The following HCN1 variants were observed in gnomAD, a reference collection of about 807,000 sequenced individuals.
The protein encoded by HCN1 is hyperpolarization activated cyclic nucleotide gated potassium channel 1.
Under a neutral mutation model 78.9 loss-of-function variants are expected in HCN1, and 13 were observed. The ratio of observed to expected loss-of-function variants is 0.16; its 90% CI spans 0.11 to 0.26. HCN1 has a LOEUF of 0.26. Ranked by LOEUF, HCN1 falls within the 10% of genes least tolerant of loss-of-function variation. The pLI is 1.00. For missense variants in HCN1, 810 were observed against 1,154.3 expected (o/e 0.70, Z 4.32); for synonymous variants, 552 against 455.5 (o/e 1.21, Z -2.70).
At chr5:45,611,646 T>C (rs758577817) in intron 2 of HCN1, among the ~76,000 whole-genome samples, 11 of 152,112 alleles carry the variant, frequency 7.2e-5, no homozygotes, top group Admixed American at 2.0e-4. Context: ...ATAAGAGCCA[T>C]GAAGTCTTAT....
intron 2 of HCN1, among the ~76,000 whole-genome samples, chr5:45,498,531 T>A (rs966645134): frequency 3.9e-5 from 6 of 152,180 alleles, no homozygotes; most frequent in African/African-American, 7.2e-5. Flanking sequence ...TTGGTTTGAA[T>A]CTCCTCCCAT....
At chr5:45,658,990 C>T (rs1370468684) in intron 1 of HCN1, among the ~76,000 whole-genome samples, 3 of 149,912 alleles carry the variant, frequency 2.0e-5, no homozygotes, top group Non-Finnish European at 1.5e-5. Flanking sequence ...TAGGCTCCAC[C>T]TCTGGGGGCA....
intron 5 of HCN1, among the ~76,000 whole-genome samples, chr5:45,307,081 C>A (rs927195043): frequency 6.6e-6 from 1 of 151,924 alleles, no homozygotes; most frequent in Admixed American, 6.6e-5. Flanking sequence ...TTCAAAGGGA[C>A]ACAGGGGCCA....
chr5:45,687,470 A>G (rs1483127839), intron 1 of HCN1, among the ~76,000 whole-genome samples: 1 of 152,062 alleles, frequency 6.6e-6, no homozygotes, highest in African/African-American at 2.4e-5. Flanking sequence ...TTCTAATTCT[A>G]ACGGGCTTCC....
intron 6 of HCN1, among the ~76,000 whole-genome samples, chr5:45,289,750 C>T (rs899893338): frequency 5.3e-5 from 8 of 151,934 alleles, no homozygotes; most frequent in African/African-American, 7.3e-5. Context: ...ATTTAAAATG[C>T]GGTAACAAAT....
At chr5:45,373,630 GGT>G (rs1747493341) in intron 4 of HCN1, among the ~76,000 whole-genome samples, 1 of 117,128 alleles carries the variant, frequency 8.5e-6, no homozygotes, top group Non-Finnish European at 1.7e-5. Flanking sequence ...TATTACATAC[GGT>G]ATATACGTCA....
intron 3 of HCN1, among the ~76,000 whole-genome samples, chr5:45,450,335 C>T (rs1740891785): frequency 6.6e-6 from 1 of 152,126 alleles, no homozygotes; most frequent in African/African-American, 2.4e-5. Flanking sequence ...TATATGATTT[C>T]TATATTCATA....
chr5:45,291,519 G>T (rs1282148942), intron 6 of HCN1, among the ~76,000 whole-genome samples: 1 of 151,892 alleles, frequency 6.6e-6, no homozygotes. Context: ...CCCTCAGATT[G>T]TTACATGACT....
chr5:45,519,654 G>A (rs1742577078), intron 2 of HCN1, among the ~76,000 whole-genome samples: 3 of 151,882 alleles, frequency 2.0e-5, no homozygotes, highest in Admixed American at 2.0e-4. Context: ...ATTCAATAAT[G>A]TCTTTCATTC....
At chr5:45,621,413 T>C (rs568674463) in intron 2 of HCN1, among the ~76,000 whole-genome samples, 5 of 152,032 alleles carry the variant, frequency 3.3e-5, no homozygotes, top group African/African-American at 7.2e-5. Flanking sequence ...AAGCTGAAAA[T>C]AGAAGTCTCC....
At chr5:45,282,703 G>T (rs1461079723) in intron 6 of HCN1, among the ~76,000 whole-genome samples, 2 of 152,110 alleles carry the variant, frequency 1.3e-5, no homozygotes, top group Admixed American at 1.3e-4. Flanking sequence ...CTTAGTTCCA[G>T]CTACGTGCTT....
chr5:45,563,878 T>G (rs1743655059), intron 2 of HCN1, among the ~76,000 whole-genome samples: 1 of 152,170 alleles, frequency 6.6e-6, no homozygotes, highest in Non-Finnish European at 1.5e-5. Context: ...CACTTCCTAT[T>G]TTTGAAGAGC....
chr5:45,560,241 A>G (rs1468576491), intron 2 of HCN1, among the ~76,000 whole-genome samples: 4 of 152,100 alleles, frequency 2.6e-5, no homozygotes, highest in Non-Finnish European at 4.4e-5. Flanking sequence ...ATACGTATAT[A>G]ATGTTTGTAT....
chr5:45,624,734 A>G (rs1241998188), intron 2 of HCN1, among the ~76,000 whole-genome samples: 2 of 152,096 alleles, frequency 1.3e-5, no homozygotes, highest in East Asian at 3.9e-4. Context: ...TCATGGATGT[A>G]TGGAGCCATT....
At chr5:45,508,803 A>C (rs1320811020) in intron 2 of HCN1, among the ~76,000 whole-genome samples, 2 of 152,174 alleles carry the variant, frequency 1.3e-5, no homozygotes, top group Non-Finnish European at 2.9e-5. Context: ...TGTATTATTT[A>C]GTTTGATAAA....
At position 45,353,162 on chromosome 5, in the gene HCN1, A is replaced by G; in HGVS notation, c.1315T>C (p.Tyr439His). 6.2e-7 allele frequency: 1 copy of G among 1,610,736 alleles called. No homozygotes were observed. The highest frequency in any genetic ancestry group is 1.1e-5 in the South Asian group (1 of 91,008). ...TCCTCATCAAAGATTTTGCCTTGGT[A>G]TCTGTGTTCATAGTAATCATGTATC... ...QKIHDYYEHR[Y>H]QGKIFDEENI... The change falls in exon 5 of 8, where the codon TAC (tyrosine) becomes CAC (histidine). Residue 439 changes from tyrosine (Y) to histidine (H), a missense_variant. Around this residue, in one of 6 missense-constraint regions of HCN1, gnomAD observed 100 missense variants for 126.8 expected, o/e 0.79. Coordinates refer to ENST00000303230, the MANE Select transcript of HCN1 (RefSeq NM_021072.4).
intron 2 of HCN1, among the ~76,000 whole-genome samples, chr5:45,591,879 G>A (rs1744371872): frequency 6.6e-6 from 1 of 151,976 alleles, no homozygotes; most frequent in African/African-American, 2.4e-5. Context: ...AGATTATCTA[G>A]GTTTTCTCCT....
At chr5:45,355,329 G>A (rs1406183587) in intron 4 of HCN1, among the ~76,000 whole-genome samples, 1 of 151,792 alleles carries the variant, frequency 6.6e-6, no homozygotes, top group Non-Finnish European at 1.5e-5. Flanking sequence ...TAGTTCTCAA[G>A]GTGTGGTTGC....
chr5:45,295,999 G>A (rs1338411658), intron 6 of HCN1, among the ~76,000 whole-genome samples: 2 of 151,964 alleles, frequency 1.3e-5, no homozygotes, highest in Non-Finnish European at 2.9e-5. Flanking sequence ...TCAAAGTAAT[G>A]TAAACTTATT....
Sources: gnomAD v4.1 joint callset for allele counts (sites outside exome capture counted in the v4.1 genomes callset) on GRCh38, gnomAD v4.1.1 for gene constraint, gnomAD v4.1.1 regional missense constraint, MANE v1.5 for transcripts, NCBI Gene and HGNC (gene_info 2026-07-23, HGNC 2026-07-21) for gene names.